CRACD: variants seen among roughly 807,000 people sequenced by gnomAD.
CRACD encodes capping protein-inhibiting regulator of actin dynamics.
CRACD carries 56 observed loss-of-function variants against 106.8 expected under a neutral mutation model. That is an observed-to-expected ratio of 0.52 (90% CI 0.42 to 0.66). The LOEUF (loss-of-function observed/expected upper bound fraction) is 0.66, where lower values mean the gene tolerates loss of function less well. Among genes scored for constraint, CRACD ranks in the 30% least tolerant of loss-of-function variants. The pLI is 0.00. For synonymous variants in CRACD, 754 were observed against 670.8 expected, an observed-to-expected ratio of 1.12 and a Z score of -1.92; for missense variants, 1,730 against 1,623.2, an observed-to-expected ratio of 1.07 and a Z score of -1.13.
In CRACD at chr4:56,314,350, C is replaced by T. The variant is rs1197577741; in HGVS notation, c.848C>T (p.Ala283Val). Residue 283 changes from alanine (A) to valine (V), a missense_variant, in exon 8 of 11, where the codon GCG becomes GTG. Transcript: ENST00000682029. This position sits in a 1 kb window ranked among gnomAD's most constrained non-coding sequence, Gnocchi z 4.4. The stretch of plus-strand genomic sequence containing the variant: ...GAGGGGCAGGAGCCGCCTCTAGAGG[C>T]GGAAAGGGCGCCGCGGGAAGAGCAG... ...EGEGQEPPLE[A>V]ERAPREEQQR... 4.3e-5 allele frequency: 66 copies of T among 1,548,296 alleles called. No individual in the cohort carries two copies. Among genetic ancestry groups the T allele is most frequent in the Admixed American group, 1.8e-4 (9 of 50,606 alleles).
chr4:56,298,992 C>T (rs114237097), intron 4 of CRACD, among the ~76,000 whole-genome samples: 4 of 152,280 alleles, frequency 2.6e-5, no homozygotes, highest in Admixed American at 1.3e-4. Context: ...AGTTCCTAAC[C>T]GTTAAGCATT....
Position 56,139,340 on chromosome 4 carries a change from T to G in CRACD, c.-335-39944T>G, listed in dbSNP as rs1162541186. ...CTTCCTCTCTTCCTCTCTCTTTCTC[T>G]CTCTCTTTCTTTCCCCTCTCTCTTC... On this transcript the variant is annotated intron_variant, in intron 1 of 10. Transcript: ENST00000682029. 2.6e-5 allele frequency among the ~76,000 whole-genome samples: 4 copies of G among 152,208 alleles called. No individual in the cohort carries two copies. The East Asian group carries it at 7.7e-4, about 29-fold the overall frequency.
At chr4:56,159,896 C>T (rs1469375949) in intron 1 of CRACD, among the ~76,000 whole-genome samples, 1 of 151,880 alleles carries the variant, frequency 6.6e-6, no homozygotes, top group Non-Finnish European at 1.5e-5. Flanking sequence ...ATTCTCCTGC[C>T]TCAGCCTCCT....
At chr4:56,066,252 C>T (rs1577940371) in intron 1 of CRACD, among the ~76,000 whole-genome samples, 1 of 152,194 alleles carries the variant, frequency 6.6e-6, no homozygotes, top group Non-Finnish European at 1.5e-5. Context: ...GTTTTGAATA[C>T]CCCAGCAACA....
At chr4:56,219,528 T>C (rs1738918297) in intron 2 of CRACD, among the ~76,000 whole-genome samples, 1 of 152,084 alleles carries the variant, frequency 6.6e-6, no homozygotes, top group African/African-American at 2.4e-5. Context: ...TTTGTACTTT[T>C]AGTAGAGATG....
rs532169345 is a variant in CRACD, at chr4:56,079,848, A to G, written c.-336+30549A>G. ...AGATCTGTCTTTTTTCCAACGACGG[A>G]AGGCAAGTGTAGGTTTACCATTGGG... On this transcript the variant is annotated intron_variant, in intron 1 of 10. Coordinates refer to ENST00000682029, the MANE Select transcript of CRACD (RefSeq NM_001393381.1). Among the ~76,000 whole-genome samples, 3 of 152,312 alleles carry G rather than the reference A, an allele frequency of 2.0e-5. No homozygotes were observed. The South Asian group carries it at 6.2e-4, about 32-fold the overall frequency.
intron 1 of CRACD, chr4:56,050,028 C>CT (rs371484682): frequency 0.024 from 3,430 of 144,284 alleles, 110 homozygotes; most frequent in African/African-American, 0.074. Flanking sequence ...TGGGGTATGG[C>CT]TTTTTTTTTT....
At chr4:56,289,218 G>A (rs1332011235) in intron 3 of CRACD, among the ~76,000 whole-genome samples, 1 of 152,118 alleles carries the variant, frequency 6.6e-6, no homozygotes, top group Non-Finnish European at 1.5e-5. Flanking sequence ...TAATATGAGT[G>A]TATTTAATGC....
chr4:56,068,191 A>G (rs1003760491), intron 1 of CRACD, among the ~76,000 whole-genome samples: 1 of 152,208 alleles, frequency 6.6e-6, no homozygotes, highest in African/African-American at 2.4e-5. Context: ...AGAAGCTGAC[A>G]TTCGAACAAA....
intron 3 of CRACD, among the ~76,000 whole-genome samples, chr4:56,296,928 T>G (rs1038639739): frequency 1.1e-4 from 16 of 151,288 alleles, no homozygotes; most frequent in East Asian, 1.9e-4. Flanking sequence ...TTGTTTTTTT[T>G]TTTTTTTGAG....
At chr4:56,145,423 G>A (rs1319463078) in intron 1 of CRACD, among the ~76,000 whole-genome samples, 1 of 151,772 alleles carries the variant, frequency 6.6e-6, no homozygotes, top group African/African-American at 2.4e-5. Flanking sequence ...GAGTCCTTAA[G>A]TAGAAGGTTT....
At chr4:56,134,765 A>C (rs889180185) in intron 1 of CRACD, among the ~76,000 whole-genome samples, 4 of 152,184 alleles carry the variant, frequency 2.6e-5, no homozygotes, top group Admixed American at 2.6e-4. Context: ...GAAAATTAAC[A>C]ATTATAATGA....
chr4:56,314,633 G>A lies in CRACD; in HGVS notation c.1131G>A (p.Ala377=), dbSNP rs957309356. 3 of 1,541,512 alleles carry A rather than the reference G, an allele frequency of 1.9e-6. No individual in the cohort carries two copies. Among genetic ancestry groups the A allele is most frequent in the Non-Finnish European group, 2.6e-6 (3 of 1,142,006 alleles). The change falls in exon 8 of 11, where the codon GCG becomes GCA. Residue 377 remains alanine (A), a synonymous_variant. Coordinates refer to ENST00000682029, the MANE Select transcript of CRACD (RefSeq NM_001393381.1). This position sits in a 1 kb window ranked among gnomAD's most constrained non-coding sequence, Gnocchi z 4.4. ...GGGAAGAGCTGGAACAGCAGGAGGCGGAGGTGCAGGGGCCGCCCGAGGCGT... is the reference window on the plus strand; with the variant it reads ...GGGAAGAGCTGGAACAGCAGGAGGCAGAGGTGCAGGGGCCGCCCGAGGCGT... ...EGWEELEQQE[A]EVQGPPEALE...
rs530297443 is a variant in CRACD, at chr4:56,326,342, G to A, written c.3542-1302G>A. On this transcript the variant is annotated intron_variant, in intron 10 of 10. Coordinates refer to ENST00000682029, the MANE Select transcript of CRACD (RefSeq NM_001393381.1). ...CCTGTTAGAACCAGAAAGAGAAAGA[G>A]TGAGAAAAAGAGAGAGAATGAGTTT... Among the ~76,000 whole-genome samples the A allele has an allele frequency of 3.3e-5, 5 of 152,322 alleles. No homozygotes were observed. The South Asian group carries it at 1.0e-3, about 32-fold the overall frequency.
chr4:56,118,079 G>A (rs10010411), intron 1 of CRACD, among the ~76,000 whole-genome samples: 22,911 of 152,154 alleles, frequency 0.15, 1,789 homozygotes, highest in East Asian at 0.25. Flanking sequence ...TATTAAAACT[G>A]CTAAAACAAA....
intron 1 of CRACD, among the ~76,000 whole-genome samples, chr4:56,104,692 G>A (rs1258463208): frequency 1.3e-5 from 2 of 152,214 alleles, no homozygotes; most frequent in South Asian, 2.1e-4. Flanking sequence ...AATAGGCCGG[G>A]CGCCGTGGCT....
chr4:56,314,497 G>T lies in CRACD; in HGVS notation c.995G>T (p.Arg332Met). ...RLQAQAQAEE[R>M]RRLEEDARLE... is the part of the protein sequence containing the mutation. ...CAGGCCCAGGCCCAAGCGGAGGAGA[G>T]GCGGCGGCTGGAGGAGGACGCCAGG... Residue 332 changes from arginine to methionine, a missense_variant, in exon 8 of 11, where the codon AGG (arginine) becomes ATG (methionine). Physicochemically the swap from Arg to Met is moderately conservative, Grantham distance 91. Coordinates refer to ENST00000682029, the MANE Select transcript of CRACD (RefSeq NM_001393381.1). This position sits in a 1 kb window ranked among gnomAD's most constrained non-coding sequence, Gnocchi z 4.4. 1 of 1,519,372 alleles carries T rather than the reference G, an allele frequency of 6.6e-7. No homozygotes were observed. The highest frequency in any genetic ancestry group is 8.8e-7 in the Non-Finnish European group (1 of 1,136,650). The allele number at this position is 1,519,372 out of a possible 1,614,324, so 94.1% of individuals were successfully genotyped here. A position where few individuals can be genotyped will look rare whatever the true frequency, so the allele number is the denominator to read the frequency against.
At chr4:56,180,489 AAAATAAATAAATAAATAAAT>A (rs199914728) in intron 2 of CRACD, among the ~76,000 whole-genome samples, 46 of 146,334 alleles carry the variant, frequency 3.1e-4, no homozygotes, top group African/African-American at 8.8e-4. Context: ...ACTCCATCTC[AAAATAAATAAATAAATAAAT>A]AAATAAATAA....
At position 56,315,552 on chromosome 4, in the gene CRACD, CGCA is replaced by C; in HGVS notation, c.2056_2058del (p.Ser686del). On this transcript the variant is annotated inframe_deletion, in exon 8 of 11. Coordinates refer to ENST00000682029, the MANE Select transcript of CRACD (RefSeq NM_001393381.1). The surrounding 1 kb of genome is among the most constrained non-coding windows in gnomAD (Gnocchi z 4.1). ...CCTGAAGAACGCAGAGAGTGACCCGCGCAGCAGCGAGAGGGACCAGTTGAGGCC... is the reference window on the plus strand; with the variant it reads ...CCTGAAGAACGCAGAGAGTGACCCGCGCAGCGAGAGGGACCAGTTGAGGCC... The C allele has an allele frequency of 6.2e-7, 1 of 1,614,108 alleles. No homozygotes were observed. Among genetic ancestry groups the C allele is most frequent in the Non-Finnish European group, 8.5e-7 (1 of 1,180,032 alleles).
Sources: allele counts gnomAD v4.1 joint callset (sites outside exome capture counted in the v4.1 genomes callset), GRCh38; gene constraint gnomAD v4.1.1; non-coding constraint Gnocchi (gnomAD v3.1); transcripts MANE v1.5; gene names NCBI Gene and HGNC (gene_info 2026-07-23, HGNC 2026-07-21).